ZNF14: variants seen among roughly 807,000 people sequenced by gnomAD.
ZNF14 encodes the protein zinc finger protein 14, also known as gonadotropin inducible transcription repressor-4.
In ZNF14, 9 loss-of-function variants were observed where a neutral mutation model predicts 11.3. The observed-to-expected ratio is 0.80, with a 90% confidence interval of 0.48 to 1.39. The LOEUF is 1.39. Ranked by LOEUF, ZNF14 falls within the 40% of genes most tolerant of loss-of-function variation. ZNF14 has a pLI of 0.00. For missense variants in ZNF14, 711 were observed against 763.9 expected, an observed-to-expected ratio of 0.93 and a Z score of 0.82; for synonymous variants, 239 against 245.7, an observed-to-expected ratio of 0.97 and a Z score of 0.25.
At position 19,720,518 on chromosome 19, in the gene ZNF14, T is replaced by A. The variant is rs141613423; in HGVS notation, c.4-6031A>T. Among the ~76,000 whole-genome samples, 1 of 152,008 alleles carries A rather than the reference T, an allele frequency of 6.6e-6. No homozygotes were observed. Among genetic ancestry groups the A allele is most frequent in the South Asian group, 2.1e-4 (1 of 4,816 alleles). On this transcript the variant is annotated intron_variant, in intron 1 of 3. Coordinates refer to ENST00000344099, the MANE Select transcript of ZNF14 (RefSeq NM_021030.3). This position sits in a 1 kb window ranked among gnomAD's most constrained non-coding sequence, Gnocchi z 4.1. Reference sequence around the variant, plus strand: ...ACCATGCCTGGCTAATTTTTTTGTATTTTTAGTAGAGACGGGGTTTCGCCA... The same window carrying A: ...ACCATGCCTGGCTAATTTTTTTGTAATTTTAGTAGAGACGGGGTTTCGCCA...
At chr19:19,729,755 C>T (rs1296607670) in intron 1 of ZNF14, among the ~76,000 whole-genome samples, 1 of 152,066 alleles carries the variant, frequency 6.6e-6, no homozygotes, top group Non-Finnish European at 1.5e-5. Context: ...ACAGAATCAC[C>T]CAATGAGACA....
In ZNF14 at chr19:19,711,435, CA is replaced by C. The variant is rs1279788081; in HGVS notation, c.1845del (p.Tyr615Ter). The C allele has an allele frequency of 6.2e-7, 1 of 1,608,656 alleles. No homozygotes were observed. Among genetic ancestry groups the C allele is most frequent in the Non-Finnish European group, 8.5e-7 (1 of 1,178,162 alleles). ...AAGGCTTTTCCACATTGTTTGCATT[CA>C]TAAGGTTTCTCTCCAGTGTGAGACC... Reference protein sequence around the residue: ...HERSHTGEKPYECKQCGKAFI... With the variant: ...HERSHTGEKPXECKQCGKAFI... On this transcript the variant is annotated frameshift_variant, in exon 4 of 4. Transcript: ENST00000344099. LOFTEE classifies it low-confidence loss of function (END_TRUNC).
chr19:19,732,273 G>A (rs975803224), intron 1 of ZNF14, among the ~76,000 whole-genome samples: 7 of 152,120 alleles, frequency 4.6e-5, no homozygotes, highest in Admixed American at 2.6e-4. Flanking sequence ...ACACATTCAC[G>A]CAAGGGAACA....
intron 1 of ZNF14, among the ~76,000 whole-genome samples, chr19:19,722,196 T>C (rs2062395010): frequency 6.6e-6 from 1 of 152,210 alleles, no homozygotes; most frequent in South Asian, 2.1e-4. Context: ...ATTTGCAGAC[T>C]GACAGCAACA....
chr19:19,713,410 C>T (rs923282158), intron 3 of ZNF14, among the ~76,000 whole-genome samples: 1 of 151,796 alleles, frequency 6.6e-6, no homozygotes, highest in African/African-American at 2.4e-5. Context: ...TCTCAGCCTC[C>T]TGAGCAGGTG....
chr19:19,732,291 C>G (rs1186331629), intron 1 of ZNF14, among the ~76,000 whole-genome samples: 2 of 152,094 alleles, frequency 1.3e-5, no homozygotes, highest in Non-Finnish European at 2.9e-5. Context: ...ACAAAATTAC[C>G]CAGAGCGAAG....
rs533613113 is a variant in ZNF14, at chr19:19,730,773, G to A, written c.3+2183C>T. Among the ~76,000 whole-genome samples, 29 of 152,250 alleles carry A rather than the reference G, an allele frequency of 1.9e-4. 1 individual carries two copies. Among genetic ancestry groups the A allele is most frequent in the East Asian group, 5.8e-4 (3 of 5,164 alleles). Reference sequence around the variant, plus strand: ...ACTAAAAATACAAAATTAGCTGGGCGTGGTGGCGCATGCCTGTAATCCCAG... The same window carrying A: ...ACTAAAAATACAAAATTAGCTGGGCATGGTGGCGCATGCCTGTAATCCCAG... On this transcript the variant is annotated intron_variant, in intron 1 of 3. Transcript: ENST00000344099.
At chr19:19,715,125 AC>A (rs2062374342) in intron 1 of ZNF14, among the ~76,000 whole-genome samples, 2 of 152,194 alleles carry the variant, frequency 1.3e-5, no homozygotes, top group Non-Finnish European at 2.9e-5. Flanking sequence ...AAATTTTAAG[AC>A]CATTAATCCC....
At position 19,726,881 on chromosome 19, in the gene ZNF14, G is replaced by A. The variant is rs1361171396; in HGVS notation, c.3+6075C>T. 6.0e-5 allele frequency among the ~76,000 whole-genome samples: 8 copies of A among 134,124 alleles called. 1 individual carries two copies. The highest frequency in any genetic ancestry group is 2.9e-4 in the Admixed American group (4 of 13,670). The allele number at this position is 134,124 out of a possible 152,430, so 88.0% of individuals were successfully genotyped here. On this transcript the variant is annotated intron_variant, in intron 1 of 3. Coordinates refer to ENST00000344099, the MANE Select transcript of ZNF14 (RefSeq NM_021030.3). ...AGGCTCCGTGGGTGTGGGACCCTCC[G>A]AGCCAGGCATGGGATATAATCTCCT...
At chr19:19,730,554 A>C (rs1295752881) in intron 1 of ZNF14, among the ~76,000 whole-genome samples, 4 of 152,224 alleles carry the variant, frequency 2.6e-5, no homozygotes, top group Non-Finnish European at 5.9e-5. Context: ...ACGGTGAAAG[A>C]CTGACTGCAA....
intron 3 of ZNF14, among the ~76,000 whole-genome samples, chr19:19,713,766 C>T (rs1269408152): frequency 2.0e-5 from 1 of 50,950 alleles, no homozygotes; most frequent in African/African-American, 4.9e-5. Flanking sequence ...TTTTTTTTCC[C>T]CAGATGAGGT....
Position 19,711,584 on chromosome 19 carries a change from T to C in ZNF14, c.1697A>G (p.Lys566Arg), listed in dbSNP as rs779738245. ...EKPYQCKQCG[K>R]AFISSSKFRM... ...AAATTTACTGGAAGAAATGAAGGCT[T>C]TTCCACATTGTTTACATTGATACGG... Residue 566 changes from lysine (K) to arginine (R), a missense_variant, in exon 4 of 4, where the codon AAA becomes AGA. Lys to Arg is a conservative substitution (Grantham distance 26). Transcript: ENST00000344099. 4.3e-6 allele frequency: 7 copies of C among 1,613,932 alleles called. No individual in the cohort carries two copies. The South Asian group carries it at 5.5e-5, about 13-fold the overall frequency.
intron 1 of ZNF14, 130 bp from the exon 2 acceptor site, chr19:19,714,617 G>T (rs1338483106): frequency 1.0e-6 from 1 of 988,162 alleles, no homozygotes; most frequent in Non-Finnish European, 1.4e-6. Context: ...TCAGCTGTCA[G>T]AACTACGACT....
At chr19:19,713,450 AT>A (rs753373182) in intron 3 of ZNF14, among the ~76,000 whole-genome samples, 150 of 141,464 alleles carry the variant, frequency 1.1e-3, no homozygotes, top group Middle Eastern at 3.9e-3. Context: ...TGCCTGGCTA[AT>A]TTTTTTTTTT....
intron 1 of ZNF14, among the ~76,000 whole-genome samples, chr19:19,727,376 T>C (rs2145104608): frequency 7.5e-6 from 1 of 132,476 alleles, no homozygotes; most frequent in East Asian, 2.1e-4. Flanking sequence ...TCTCAAGTCA[T>C]CCTCCCGCCT....
chr19:19,717,540 A>C (rs1246454184), intron 1 of ZNF14, among the ~76,000 whole-genome samples: 1 of 152,190 alleles, frequency 6.6e-6, no homozygotes, highest in Non-Finnish European at 1.5e-5. Context: ...CTAGGGCTGA[A>C]AGTTCAAGGG....
At chr19:19,716,506 C>T (rs2062378355) in intron 1 of ZNF14, among the ~76,000 whole-genome samples, 1 of 152,058 alleles carries the variant, frequency 6.6e-6, no homozygotes, top group African/African-American at 2.4e-5. Flanking sequence ...CCAGGCTGGG[C>T]TTGAACTCCT....
Position 19,727,794 on chromosome 19 carries a change from T to C in ZNF14, c.3+5162A>G, listed in dbSNP as rs1432605706. ...AACACCCCTTAGAAGACCACATAAA[T>C]GCGACTCAACCAATGTATGTAGCTA... On this transcript the variant is annotated intron_variant, in intron 1 of 3. Coordinates refer to ENST00000344099, the MANE Select transcript of ZNF14 (RefSeq NM_021030.3). 1.5e-5 allele frequency among the ~76,000 whole-genome samples: 2 copies of C among 133,590 alleles called. 1 individual carries two copies. The highest frequency in any genetic ancestry group is 5.5e-5 in the African/African-American group (2 of 36,084). The allele number at this position is 133,590 out of a possible 152,430, so 87.6% of individuals were successfully genotyped here.
rs775554778 is a variant in ZNF14 at position 19,712,021 on chromosome 19, T to C, written c.1260A>G (p.Glu420=). The change falls in exon 4 of 4, where the codon GAA becomes GAG. Residue 420 remains glutamate (E), a synonymous_variant. Coordinates refer to ENST00000344099, the MANE Select transcript of ZNF14 (RefSeq NM_021030.3). ...TGAAGGTTTTACCACATTGTTTACA[T>C]TCATAGGGTTTCTCTCCAGTGTGAG... is the stretch of plus-strand genomic sequence containing the variant. ...ETTHTGEKPY[E]CKQCGKTFSF... is the part of the protein sequence containing the mutation. 28 of 1,613,924 alleles carry C rather than the reference T, an allele frequency of 1.7e-5. No homozygotes were observed. The highest frequency in any genetic ancestry group is 2.1e-5 in the Non-Finnish European group (25 of 1,180,020).
Sources: allele counts gnomAD v4.1 joint callset (sites outside exome capture counted in the v4.1 genomes callset), GRCh38; gene constraint gnomAD v4.1.1; non-coding constraint Gnocchi (gnomAD v3.1); transcripts MANE v1.5; gene names NCBI Gene and HGNC (gene_info 2026-07-23, HGNC 2026-07-21).